The following NCK2 variants were observed in gnomAD, a reference collection of about 807,000 sequenced individuals.
NCK2 encodes the protein cytoplasmic protein NCK2.
In NCK2, 16 loss-of-function variants were observed where a neutral mutation model predicts 33.9. The ratio of observed to expected loss-of-function variants is 0.47; its 90% CI spans 0.32 to 0.72. The LOEUF is 0.72. Ranked by LOEUF, NCK2 falls within the 30% of genes least tolerant of loss-of-function variation. The pLI is 0.03. For synonymous variants in NCK2, 273 were observed against 239.9 expected (o/e 1.14, Z -1.27); for missense variants, 418 against 537.3 (o/e 0.78, Z 2.19).
At chr2:105,808,094 G>A (rs1396913087) in intron 1 of NCK2, among the ~76,000 whole-genome samples, 7 of 152,186 alleles carry the variant, frequency 4.6e-5, no homozygotes, top group African/African-American at 1.4e-4. Context: ...GTAGAGACAG[G>A]GTTTCACCAT....
In NCK2 at chr2:105,819,332, A is replaced by AG. The variant is rs1377353782; in HGVS notation, c.-17+2719_-17+2720insG. Among the ~76,000 whole-genome samples the AG allele has an allele frequency of 3.9e-5, 6 of 152,250 alleles. No homozygotes were observed. In the South Asian group the frequency reaches 1.2e-3, roughly 32 times the overall value. On this transcript the variant is annotated intron_variant, in intron 2 of 4. Transcript: ENST00000233154. ...ATGGTAACTCCGTTTTCTTTAAAAA[A>AG]AAAAAAAAAAAAGTCATTGGGGTAG...
chr2:105,873,104 T>A (rs1186752148), intron 3 of NCK2, among the ~76,000 whole-genome samples: 2 of 152,232 alleles, frequency 1.3e-5, no homozygotes, highest in Non-Finnish European at 1.5e-5. Context: ...CAGTGTCATG[T>A]CTGAGCCTCC....
At chr2:105,775,107 T>C (rs1690258961) in intron 1 of NCK2, among the ~76,000 whole-genome samples, 1 of 152,200 alleles carries the variant, frequency 6.6e-6, no homozygotes, top group Non-Finnish European at 1.5e-5. Flanking sequence ...CCTTGTCATC[T>C]GATGTTAGCT....
chr2:105,869,732 C>T (rs771022062), intron 3 of NCK2, among the ~76,000 whole-genome samples: 16 of 152,192 alleles, frequency 1.1e-4, no homozygotes, highest in Non-Finnish European at 1.5e-4. Context: ...GCGTCTTGTA[C>T]ACTCTTTTGC....
intron 1 of NCK2, among the ~76,000 whole-genome samples, chr2:105,784,634 T>C (rs1690609597): frequency 6.6e-6 from 1 of 152,234 alleles, no homozygotes; most frequent in South Asian, 2.1e-4. Flanking sequence ...TGAGCATGTC[T>C]GTGGTTAGGC....
chr2:105,831,410 C>CTT (rs56247904), intron 2 of NCK2, among the ~76,000 whole-genome samples: 28,910 of 144,718 alleles, frequency 0.2, 3,433 homozygotes, highest in East Asian at 0.31. Context: ...AGCATGATAT[C>CTT]TTTTTTTTTT....
At chr2:105,891,029 G>A (rs1678949380) in intron 4 of NCK2, among the ~76,000 whole-genome samples, 1 of 152,162 alleles carries the variant, frequency 6.6e-6, no homozygotes. Context: ...CCTGCCACTG[G>A]CCAGGCATGT....
intron 1 of NCK2, among the ~76,000 whole-genome samples, chr2:105,792,687 A>G (rs989005687): frequency 4.6e-5 from 7 of 152,064 alleles, no homozygotes; most frequent in South Asian, 2.1e-4. Context: ...ACAGTCTGCA[A>G]TGTGCTGACT....
At chr2:105,779,875 A>G (rs1242958302) in intron 1 of NCK2, among the ~76,000 whole-genome samples, 1 of 152,142 alleles carries the variant, frequency 6.6e-6, no homozygotes, top group African/African-American at 2.4e-5. Context: ...GATATGGGGA[A>G]AACAGCCTGA....
At chr2:105,858,176 C>T (rs77051085) in intron 3 of NCK2, among the ~76,000 whole-genome samples, 1 of 151,876 alleles carries the variant, frequency 6.6e-6, no homozygotes, top group East Asian at 1.9e-4. Context: ...GCCAATTGTG[C>T]AGCCTGCAGA....
chr2:105,858,733 G>T (rs1677390405), intron 3 of NCK2, among the ~76,000 whole-genome samples: 1 of 152,196 alleles, frequency 6.6e-6, no homozygotes, highest in South Asian at 2.1e-4. Context: ...GTCACATACA[G>T]TACTTTGTTA....
chr2:105,854,913 G>A, intron 2 of NCK2, 135 bp from the exon 3 acceptor site: 1 of 622,602 alleles, frequency 1.6e-6, no homozygotes, highest in South Asian at 2.2e-5. Flanking sequence ...TTAAAGTTGA[G>A]CATTTCAAGA....
Position 105,808,035 on chromosome 2 carries a change from C to T in NCK2, c.-200-8395C>T, listed in dbSNP as rs369710983. Reference sequence around the variant, plus strand: ...CTCCTGCCTTAGCCTCTTGAGTAGCCGGGACTACAGGTGTGTACCGCTATG... The same window carrying T: ...CTCCTGCCTTAGCCTCTTGAGTAGCTGGGACTACAGGTGTGTACCGCTATG... On this transcript the variant is annotated intron_variant, in intron 1 of 4. Coordinates refer to ENST00000233154, the MANE Select transcript of NCK2 (RefSeq NM_003581.5). Among the ~76,000 whole-genome samples, 119 of 151,956 alleles carry T rather than the reference C, an allele frequency of 7.8e-4. 1 individual carries two copies. The East Asian group carries it at 9.7e-3, about 12-fold the overall frequency.
At chr2:105,813,183 T>C (rs1675353695) in intron 1 of NCK2, among the ~76,000 whole-genome samples, 1 of 152,202 alleles carries the variant, frequency 6.6e-6, no homozygotes, top group South Asian at 2.1e-4. Flanking sequence ...TGACGATTCT[T>C]GCAGCTGATG....
chr2:105,752,186 A>T lies in NCK2; in HGVS notation c.-201+7048A>T, dbSNP rs535584699. Among the ~76,000 whole-genome samples, 6 of 152,286 alleles carry T rather than the reference A, an allele frequency of 3.9e-5. No homozygotes were observed. In the South Asian group the frequency reaches 1.0e-3, roughly 26 times the overall value. On this transcript the variant is annotated intron_variant, in intron 1 of 4. Transcript: ENST00000233154. ...CGGAGTGTGAGTCTATACACTTTTC[A>T]TGATTTAAGCCTCATTTGCTGTCTG...
chr2:105,891,217 G>C (rs961189450), intron 4 of NCK2, among the ~76,000 whole-genome samples: 1 of 152,016 alleles, frequency 6.6e-6, no homozygotes, highest in African/African-American at 2.4e-5. Flanking sequence ...CACACACTTA[G>C]AGCTGCGGTA....
upstream of NCK2, among the ~76,000 whole-genome samples, chr2:105,744,667 G>C (rs1689197292): frequency 6.6e-6 from 1 of 151,884 alleles, no homozygotes; most frequent in Non-Finnish European, 1.5e-5. Context: ...CCGCAGCCCC[G>C]CGCTATCCCG....
At chr2:105,759,134 G>A (rs1002634343) in intron 1 of NCK2, among the ~76,000 whole-genome samples, 3 of 152,132 alleles carry the variant, frequency 2.0e-5, no homozygotes, top group South Asian at 2.1e-4. Flanking sequence ...AAGGTTGATC[G>A]AATACCTAGA....
intron 3 of NCK2, among the ~76,000 whole-genome samples, chr2:105,861,513 C>CT (rs35044148): frequency 0.016 from 1,874 of 114,450 alleles, 52 homozygotes; most frequent in African/African-American, 0.053. Context: ...AGGTTTTTCT[C>CT]TTTTTTTTTT....
Sources: allele counts gnomAD v4.1 joint callset (sites outside exome capture counted in the v4.1 genomes callset), GRCh38; gene constraint gnomAD v4.1.1; transcripts MANE v1.5; gene names NCBI Gene and HGNC (gene_info 2026-07-23, HGNC 2026-07-21).